Variants in WWOX observed in about 807,000 individuals in gnomAD.
WWOX encodes WW domain-containing oxidoreductase.
Under a neutral mutation model 46.2 loss-of-function variants are expected in WWOX, and 69 were observed. That is an observed-to-expected ratio of 1.49 (90% confidence interval 1.23 to 1.82). The LOEUF (loss-of-function observed/expected upper bound fraction) is 1.82. Among genes scored for constraint, WWOX ranks in the 40% most tolerant of loss-of-function variants. The pLI is 0.00. For missense variants in WWOX, 919 were observed against 542.6 expected (o/e 1.69, Z -6.89); for synonymous variants, 359 against 202.6 (o/e 1.77, Z -6.56).
At chr16:78,371,219 C>G (rs116163133) in intron 5 of WWOX, among the ~76,000 whole-genome samples, 1,929 of 152,226 alleles carry the variant, frequency 0.013, 38 homozygotes, top group African/African-American at 0.043. Flanking sequence ...GGTGACATCA[C>G]TGTACTAAAA....
intron 5 of WWOX, among the ~76,000 whole-genome samples, chr16:78,386,291 C>G (rs2082058548): frequency 6.6e-6 from 1 of 152,166 alleles, no homozygotes; most frequent in Non-Finnish European, 1.5e-5. Context: ...ATGTATTCCA[C>G]CTGTTGATAG....
chr16:78,107,906 A>G (rs1435408900), intron 1 of WWOX, among the ~76,000 whole-genome samples: 2 of 152,178 alleles, frequency 1.3e-5, no homozygotes, highest in African/African-American at 4.8e-5. Context: ...ACAAATACAC[A>G]GCAAAATGCC....
intron 8 of WWOX, among the ~76,000 whole-genome samples, chr16:78,999,070 G>A (rs1385897016): frequency 1.3e-5 from 2 of 152,020 alleles, no homozygotes; most frequent in African/African-American, 2.4e-5. Flanking sequence ...TCCGGACGTG[G>A]AAATCAAAAG....
chr16:78,589,200 G>C (rs1170296611), intron 8 of WWOX, among the ~76,000 whole-genome samples: 4 of 152,136 alleles, frequency 2.6e-5, no homozygotes, highest in Non-Finnish European at 5.9e-5. Context: ...ATTTTTTAGA[G>C]TTTCTTATTG....
intron 5 of WWOX, among the ~76,000 whole-genome samples, chr16:78,261,659 C>T (rs1016921542): frequency 5.3e-5 from 8 of 149,734 alleles, no homozygotes; most frequent in African/African-American, 2.0e-4. Flanking sequence ...TATGGAAGAA[C>T]AATCTCAGAT....
At chr16:78,498,578 C>T (rs2084976994) in intron 8 of WWOX, among the ~76,000 whole-genome samples, 1 of 152,124 alleles carries the variant, frequency 6.6e-6, no homozygotes, top group Non-Finnish European at 1.5e-5. Context: ...GGGTAATGAG[C>T]AACACACAAG....
intron 8 of WWOX, among the ~76,000 whole-genome samples, chr16:79,058,763 A>G (rs2048309982): frequency 6.6e-6 from 1 of 152,224 alleles, no homozygotes; most frequent in Non-Finnish European, 1.5e-5. Context: ...TACTTCTACT[A>G]AAATATTATT....
At chr16:78,910,397 G>T (rs752593180) in intron 8 of WWOX, among the ~76,000 whole-genome samples, 1 of 151,898 alleles carries the variant, frequency 6.6e-6, no homozygotes, top group Non-Finnish European at 1.5e-5. Context: ...AGCTTTTTCT[G>T]TATCAAGTCA....
intron 8 of WWOX, among the ~76,000 whole-genome samples, chr16:78,942,722 G>A (rs750598445): frequency 2.6e-5 from 4 of 152,132 alleles, no homozygotes; most frequent in South Asian, 2.1e-4. Context: ...GATGGTCATC[G>A]CAAGACATAG....
chr16:78,746,287 C>T (rs968690461), intron 8 of WWOX, among the ~76,000 whole-genome samples: 1 of 152,132 alleles, frequency 6.6e-6, no homozygotes, highest in Non-Finnish European at 1.5e-5. Context: ...TGCTTGAGGC[C>T]AGGTGTTCAA....
At chr16:78,469,344 C>G (rs1240149893) in intron 8 of WWOX, among the ~76,000 whole-genome samples, 9 of 152,128 alleles carry the variant, frequency 5.9e-5, no homozygotes, top group Non-Finnish European at 8.8e-5. Flanking sequence ...ATATAGCTGA[C>G]TATAAGTTAC....
chr16:78,798,944 T>A (rs184465183), intron 8 of WWOX, among the ~76,000 whole-genome samples: 133 of 152,298 alleles, frequency 8.7e-4, no homozygotes, highest in African/African-American at 3.1e-3. Context: ...TGGCATTTTG[T>A]TGGGGCCGGT....
chr16:78,631,066 G>C (rs2046416841), intron 8 of WWOX, among the ~76,000 whole-genome samples: 1 of 152,066 alleles, frequency 6.6e-6, no homozygotes. Context: ...AAGTAATCTA[G>C]AGATGATTTA....
intron 8 of WWOX, among the ~76,000 whole-genome samples, chr16:78,980,641 C>T (rs1000844420): frequency 2.0e-5 from 3 of 152,098 alleles, no homozygotes; most frequent in Non-Finnish European, 2.9e-5. Flanking sequence ...ACTGATTATT[C>T]CATAGTTGCA....
intron 8 of WWOX, among the ~76,000 whole-genome samples, chr16:78,937,835 C>T (rs969835596): frequency 6.6e-6 from 1 of 151,998 alleles, no homozygotes; most frequent in African/African-American, 2.4e-5. Context: ...ACTATGTTGG[C>T]CAGGCTGGTC....
At chr16:78,123,455 G>GTTT (rs58409419) in intron 4 of WWOX, 7 of 65,540 alleles carry the variant, frequency 1.1e-4, no homozygotes, top group South Asian at 4.9e-4. Flanking sequence ...TTTTTTTTTT[G>GTTT]TTTTTTTTTT....
At chr16:78,271,004 T>C (rs989357763) in intron 5 of WWOX, among the ~76,000 whole-genome samples, 1 of 152,166 alleles carries the variant, frequency 6.6e-6, no homozygotes. Context: ...TATTTAGTGG[T>C]TTGAAAATAT....
chr16:78,806,392 T>C (rs769932449), intron 8 of WWOX, among the ~76,000 whole-genome samples: 1 of 152,130 alleles, frequency 6.6e-6, no homozygotes, highest in Non-Finnish European at 1.5e-5. Context: ...AACAACAACA[T>C]TTATTTTGTT....
chr16:78,207,539 A>T (rs1000522854), intron 5 of WWOX, among the ~76,000 whole-genome samples: 3 of 151,582 alleles, frequency 2.0e-5, no homozygotes, highest in Non-Finnish European at 4.4e-5. Context: ...GTTAGGATTA[A>T]AGTAGCTTCT....
Sources: gnomAD v4.1 joint callset for allele counts (sites outside exome capture counted in the v4.1 genomes callset) on GRCh38, gnomAD v4.1.1 for gene constraint, MANE v1.5 for transcripts, NCBI Gene and HGNC (gene_info 2026-07-23, HGNC 2026-07-21) for gene names.